Variants in GALNT13 observed in about 807,000 individuals in gnomAD.
GALNT13 encodes UDP-GalNAc:polypeptide N-acetylgalactosaminyltransferase 13.
A neutral mutation model predicts 64.2 loss-of-function variants in GALNT13; 28 were observed. The observed-to-expected ratio is 0.44, with a 90% CI of 0.32 to 0.60. GALNT13 has a LOEUF of 0.60. Among genes scored for constraint, GALNT13 ranks in the 20% least tolerant of loss-of-function variants. The pLI is 0.05. For missense variants in GALNT13, 577 were observed against 669.8 expected, an observed-to-expected ratio of 0.86 and a Z score of 1.53; for synonymous variants, 214 against 224.6, an observed-to-expected ratio of 0.95 and a Z score of 0.42.
chr2:153,763,390 G>T, the GALNT13 span, among the ~76,000 whole-genome samples: 3 of 152,266 alleles, frequency 2.0e-5, no homozygotes, highest in East Asian at 1.9e-4. Flanking sequence ...ATCTCCATGT[G>T]TCAAGAGCAG....
chr2:154,230,989 A>C (rs551772549), intron 4 of GALNT13, among the ~76,000 whole-genome samples: 2 of 152,210 alleles, frequency 1.3e-5, no homozygotes, highest in African/African-American at 4.8e-5. Context: ...CTTGTATTGC[A>C]AGATTGTAGT....
At chr2:154,311,688 G>GC (rs1404781047) in intron 9 of GALNT13, among the ~76,000 whole-genome samples, 1 of 152,140 alleles carries the variant, frequency 6.6e-6, no homozygotes, top group Non-Finnish European at 1.5e-5. Context: ...TTCCTAATAA[G>GC]CCTGGGAGCG....
chr2:154,374,370 G>A (rs752161921), intron 9 of GALNT13, among the ~76,000 whole-genome samples: 2 of 152,118 alleles, frequency 1.3e-5, no homozygotes, highest in Non-Finnish European at 2.9e-5. Flanking sequence ...AAAAGCATAT[G>A]GGGAGACAGT....
intron 12 of GALNT13, chr2:154,446,619 G>A (rs1468104104): frequency 6.5e-7 from 1 of 1,548,362 alleles, no homozygotes; most frequent in Admixed American, 2.0e-5. Context: ...AGTGAACAAA[G>A]TAGCTGATGG....
chr2:154,129,136 G>A (rs994373149), intron 3 of GALNT13, among the ~76,000 whole-genome samples: 9 of 151,828 alleles, frequency 5.9e-5, no homozygotes, highest in African/African-American at 1.7e-4. Flanking sequence ...TGTACTTTTA[G>A]GATTCCACTA....
the GALNT13 span, among the ~76,000 whole-genome samples, chr2:153,828,476 C>T: frequency 6.6e-6 from 1 of 152,196 alleles, no homozygotes; most frequent in Non-Finnish European, 1.5e-5. Context: ...GGCTTGCAAC[C>T]TCTGAAGCCA....
At chr2:154,155,085 A>C (rs1684327005) in intron 4 of GALNT13, among the ~76,000 whole-genome samples, 1 of 152,048 alleles carries the variant, frequency 6.6e-6, no homozygotes, top group African/African-American at 2.4e-5. Context: ...TATTATTGTT[A>C]TCTTCAGAGG....
chr2:153,329,119 T>G, the GALNT13 span, among the ~76,000 whole-genome samples: 1 of 152,034 alleles, frequency 6.6e-6, no homozygotes, highest in Non-Finnish European at 1.5e-5. Flanking sequence ...CCTGCTTGCC[T>G]TCCATGGGCT....
At chr2:153,566,351 T>TTTTTTTTTTTTTTTTTTTTTTG in the GALNT13 span, among the ~76,000 whole-genome samples, 1 of 64,186 alleles carries the variant, frequency 1.6e-5, no homozygotes, top group Non-Finnish European at 3.5e-5. Flanking sequence ...TAATCACGTT[T>TTTTTTTTTTTTTTTTTTTTTTG]TTTTTTTTTT....
the GALNT13 span, chr2:153,477,459 G>A: frequency 6.6e-6 from 1 of 152,600 alleles, no homozygotes; most frequent in Non-Finnish European, 1.5e-5. Flanking sequence ...CGAGCTACGA[G>A]TTCTATTCTG....
the GALNT13 span, among the ~76,000 whole-genome samples, chr2:153,682,307 G>T: frequency 1.3e-5 from 2 of 151,544 alleles, no homozygotes; most frequent in African/African-American, 4.8e-5. Context: ...TTACCCAGAC[G>T]TCTTCTGTAA....
intron 3 of GALNT13, among the ~76,000 whole-genome samples, chr2:154,124,206 C>A (rs1214816189): frequency 6.6e-6 from 1 of 151,544 alleles, no homozygotes; most frequent in East Asian, 1.9e-4. Flanking sequence ...AATCTGGTTT[C>A]CATGGATGAT....
At chr2:153,840,857 A>G in the GALNT13 span, among the ~76,000 whole-genome samples, 25 of 152,178 alleles carry the variant, frequency 1.6e-4, no homozygotes, top group Admixed American at 1.6e-3. Context: ...ACAGAGTAGG[A>G]TGCAGAAGCA....
At chr2:153,810,106 G>A in the GALNT13 span, among the ~76,000 whole-genome samples, 3 of 151,950 alleles carry the variant, frequency 2.0e-5, no homozygotes, top group South Asian at 2.1e-4. Flanking sequence ...GACTGCAGGC[G>A]CCCGCCACCA....
chr2:153,883,891 T>C (rs561059907), intron 1 of GALNT13, among the ~76,000 whole-genome samples: 1 of 152,204 alleles, frequency 6.6e-6, no homozygotes, highest in African/African-American at 2.4e-5. Flanking sequence ...CATCTTTTGA[T>C]TGATTTTCAG....
chr2:153,790,086 G>T, the GALNT13 span, among the ~76,000 whole-genome samples: 1 of 152,184 alleles, frequency 6.6e-6, no homozygotes, highest in Admixed American at 6.6e-5. Flanking sequence ...CATTCTGTGA[G>T]GCCAGCATCA....
At chr2:153,632,419 G>T in the GALNT13 span, among the ~76,000 whole-genome samples, 4 of 151,772 alleles carry the variant, frequency 2.6e-5, no homozygotes, top group South Asian at 2.1e-4. Flanking sequence ...GGGTTTTTTG[G>T]CCTGTACCAA....
chr2:154,026,141 G>T (rs949515565), intron 3 of GALNT13, among the ~76,000 whole-genome samples: 4 of 152,170 alleles, frequency 2.6e-5, no homozygotes, highest in Admixed American at 2.0e-4. Context: ...AAGTGGGAAA[G>T]TTACTTGAAG....
the GALNT13 span, among the ~76,000 whole-genome samples, chr2:153,115,911 A>G: frequency 6.6e-6 from 1 of 152,180 alleles, no homozygotes; most frequent in Non-Finnish European, 1.5e-5. Flanking sequence ...GCATTCAGTC[A>G]TGATCAATTT....
Sources: allele counts gnomAD v4.1 joint callset (sites outside exome capture counted in the v4.1 genomes callset), GRCh38; gene constraint gnomAD v4.1.1; transcripts MANE v1.5; gene names NCBI Gene and HGNC (gene_info 2026-07-23, HGNC 2026-07-21).